Variants in LRRC74A observed in about 807,000 individuals in gnomAD.
LRRC74A encodes the protein leucine rich repeat containing 74A.
In LRRC74A, 44 loss-of-function variants were observed where a neutral mutation model predicts 57.9. The ratio of observed to expected loss-of-function variants is 0.76; its 90% CI spans 0.60 to 0.98. The LOEUF is 0.98. Ranked by LOEUF, LRRC74A falls within the 50% of genes least tolerant of loss-of-function variation. The probability of loss-of-function intolerance (pLI) is 0.00; values close to 1 mark genes in which losing one functional copy is unlikely to be tolerated. For missense variants in LRRC74A, 572 were observed against 574.0 expected (o/e 1.00, Z 0.04); for synonymous variants, 211 against 219.4 (o/e 0.96, Z 0.34).
At chr14:76,834,774 T>C (rs1488924829) in intron 3 of LRRC74A, among the ~76,000 whole-genome samples, 1 of 152,158 alleles carries the variant, frequency 6.6e-6, no homozygotes, top group Non-Finnish European at 1.5e-5. Flanking sequence ...CAGTGGTGAT[T>C]CGACTCATGT....
chr14:76,833,689 C>T (rs1896126365), intron 3 of LRRC74A, among the ~76,000 whole-genome samples: 1 of 152,054 alleles, frequency 6.6e-6, no homozygotes, highest in Admixed American at 6.6e-5. Context: ...GTGATCCTCC[C>T]GCCTTGGCCT....
At chr14:76,865,728 C>T (rs1284578483) in intron 11 of LRRC74A, among the ~76,000 whole-genome samples, 1 of 152,208 alleles carries the variant, frequency 6.6e-6, no homozygotes, top group Non-Finnish European at 1.5e-5. Context: ...AGAAGCATGG[C>T]GAGCACACAG....
chr14:76,857,899 G>C (rs147940867), intron 10 of LRRC74A, among the ~76,000 whole-genome samples: 1 of 152,106 alleles, frequency 6.6e-6, no homozygotes, highest in African/African-American at 2.4e-5. Flanking sequence ...TCATGAGTTG[G>C]CCTGTTAGAC....
At chr14:76,852,662 G>A (rs1171163368) in intron 8 of LRRC74A, among the ~76,000 whole-genome samples, 3 of 139,212 alleles carry the variant, frequency 2.2e-5, no homozygotes, top group Admixed American at 7.9e-5. Flanking sequence ...TCTGTGGCCC[G>A]GGCTAGAGTG....
intron 2 of LRRC74A, chr14:76,828,721 G>C (rs776817813): frequency 3.4e-5 from 17 of 493,110 alleles, no homozygotes; most frequent in South Asian, 2.5e-4. Flanking sequence ...TTTCCACGTG[G>C]GGCATCCTAT....
chr14:76,856,707 GATGGA>G (rs1897908542), intron 9 of LRRC74A, among the ~76,000 whole-genome samples: 1 of 148,920 alleles, frequency 6.7e-6, no homozygotes, highest in African/African-American at 2.5e-5. Context: ...TAAGTGAGTG[GATGGA>G]TGGATGGATG....
intron 7 of LRRC74A, among the ~76,000 whole-genome samples, chr14:76,847,565 A>G (rs1421537737): frequency 6.7e-6 from 1 of 149,090 alleles, no homozygotes; most frequent in East Asian, 1.9e-4. Context: ...GAGGGAGAGG[A>G]ACGGGAAAAA....
intron 7 of LRRC74A, among the ~76,000 whole-genome samples, chr14:76,849,788 A>T (rs1466595126): frequency 7.6e-6 from 1 of 131,288 alleles, no homozygotes; most frequent in Non-Finnish European, 1.6e-5. Context: ...GGGCAACAAG[A>T]GGGAAATTCT....
intron 4 of LRRC74A, 111 bp downstream of exon 4, chr14:76,836,425 G>A (rs542120113): frequency 2.8e-5 from 19 of 672,092 alleles, no homozygotes; most frequent in African/African-American, 1.4e-4. Context: ...GCTCCTGCCC[G>A]CCCCTGCCCT....
chr14:76,839,424 C>T (rs1055009670), intron 5 of LRRC74A, among the ~76,000 whole-genome samples: 1 of 152,204 alleles, frequency 6.6e-6, no homozygotes, highest in African/African-American at 2.4e-5. Context: ...AGCTTTGACA[C>T]TGGGCAAGTT....
At chr14:76,840,937 T>G (rs1896723633) in intron 5 of LRRC74A, among the ~76,000 whole-genome samples, 3 of 152,310 alleles carry the variant, frequency 2.0e-5, no homozygotes, top group Admixed American at 6.5e-5. Flanking sequence ...TTTAGAATAT[T>G]AAAATTATAA....
At chr14:76,841,948 G>C (rs1173205053) in intron 5 of LRRC74A, among the ~76,000 whole-genome samples, 1 of 152,048 alleles carries the variant, frequency 6.6e-6, no homozygotes, top group Non-Finnish European at 1.5e-5. Context: ...CCAGCCTCAG[G>C]TGATCCACCC....
chr14:76,848,691 G>C (rs997794697), intron 7 of LRRC74A, among the ~76,000 whole-genome samples: 11 of 152,262 alleles, frequency 7.2e-5, no homozygotes, highest in Admixed American at 3.9e-4. Flanking sequence ...AGAGTCCAAG[G>C]AGAGTTCTTA....
chr14:76,863,829 G>C (rs563964918), intron 11 of LRRC74A, among the ~76,000 whole-genome samples: 1 of 152,362 alleles, frequency 6.6e-6, no homozygotes, highest in Non-Finnish European at 1.5e-5. Context: ...CCCCAACTGA[G>C]TTGCCAAGAG....
intron 7 of LRRC74A, among the ~76,000 whole-genome samples, chr14:76,850,399 T>A (rs1040083804): frequency 6.6e-6 from 1 of 150,714 alleles, no homozygotes; most frequent in African/African-American, 2.4e-5. Context: ...AATGAGGGAA[T>A]TGGCAGAGAA....
At chr14:76,845,531 C>A (rs948353202) in intron 7 of LRRC74A, among the ~76,000 whole-genome samples, 1 of 152,144 alleles carries the variant, frequency 6.6e-6, no homozygotes, top group Admixed American at 6.5e-5. Flanking sequence ...GGAAAAAGTA[C>A]CTTTTGGGTA....
At chr14:76,857,181 A>AATGG (rs563796194) in intron 9 of LRRC74A, among the ~76,000 whole-genome samples, 199 bp from the exon 10 acceptor site, 13 of 130,394 alleles carry the variant, frequency 1.0e-4, no homozygotes, top group South Asian at 5.0e-4. Context: ...TGGATGGATG[A>AATGG]ATGGATGGAT....
At chr14:76,867,481 C>A (rs777324229) in intron 13 of LRRC74A, 43 bp downstream of exon 13, 7 of 1,083,954 alleles carry the variant, frequency 6.5e-6, no homozygotes, top group South Asian at 6.3e-5. Context: ...CTGCAAGGGG[C>A]CCTGGCTGGG....
chr14:76,831,564 C>A (rs980683426), intron 3 of LRRC74A, among the ~76,000 whole-genome samples, 189 bp downstream of exon 3: 26 of 152,114 alleles, frequency 1.7e-4, no homozygotes, highest in African/African-American at 6.3e-4. Flanking sequence ...CTACTAGCAA[C>A]CTGGGCCTTG....
Sources: gnomAD v4.1 joint callset for allele counts (sites outside exome capture counted in the v4.1 genomes callset) on GRCh38, gnomAD v4.1.1 for gene constraint, MANE v1.5 for transcripts, NCBI Gene and HGNC (gene_info 2026-07-23, HGNC 2026-07-21) for gene names.